Variants in SLC24A2 observed in about 807,000 individuals in gnomAD.
SLC24A2 encodes the protein solute carrier family 24 member 2, also known as sodium/potassium/calcium exchanger 2.
SLC24A2 carries 36 observed loss-of-function variants against 62.0 expected under a neutral mutation model. That is an observed-to-expected ratio of 0.58 (90% confidence interval 0.44 to 0.77). The LOEUF is 0.77. Among genes scored for constraint, SLC24A2 ranks in the 30% least tolerant of loss-of-function variants. The pLI is 0.00. For missense variants in SLC24A2, 846 were observed against 817.9 expected, an observed-to-expected ratio of 1.03 and a Z score of -0.42; for synonymous variants, 358 against 294.0, an observed-to-expected ratio of 1.22 and a Z score of -2.23.
At chr9:19,662,905 T>G (rs767258647) in intron 2 of SLC24A2, among the ~76,000 whole-genome samples, 2 of 152,214 alleles carry the variant, frequency 1.3e-5, no homozygotes, top group African/African-American at 2.4e-5. Context: ...ATGTGTATAT[T>G]CCATGTCTAA....
the SLC24A2 span, among the ~76,000 whole-genome samples, chr9:20,195,175 T>A: frequency 2.0e-5 from 3 of 152,216 alleles, no homozygotes; most frequent in Non-Finnish European, 4.4e-5. Context: ...TCTATTTTAC[T>A]GTTGATGGCT....
intron 2 of SLC24A2, among the ~76,000 whole-genome samples, chr9:19,736,452 T>C (rs934988547): frequency 1.4e-4 from 21 of 152,296 alleles, no homozygotes; most frequent in Non-Finnish European, 2.9e-4. Flanking sequence ...GTTGCAAGGA[T>C]AGAAAATTCT....
chr9:20,012,010 C>T, the SLC24A2 span, among the ~76,000 whole-genome samples: 22 of 152,094 alleles, frequency 1.4e-4, no homozygotes, highest in Admixed American at 1.4e-3. Context: ...AAACTTTTAA[C>T]AGATTAGGTA....
chr9:19,595,626 C>T (rs890999160), intron 5 of SLC24A2, among the ~76,000 whole-genome samples: 6 of 152,076 alleles, frequency 3.9e-5, no homozygotes, highest in Non-Finnish European at 5.9e-5. Context: ...TTTGCATCTT[C>T]GTCTTATCTT....
intron 2 of SLC24A2, among the ~76,000 whole-genome samples, chr9:19,709,201 T>C (rs1364858504): frequency 2.0e-5 from 3 of 151,654 alleles, no homozygotes; most frequent in East Asian, 3.9e-4. Flanking sequence ...AAAACCACAA[T>C]GAGATACCAT....
At chr9:20,025,243 T>G in the SLC24A2 span, among the ~76,000 whole-genome samples, 42 of 152,290 alleles carry the variant, frequency 2.8e-4, no homozygotes, top group African/African-American at 9.6e-4. Flanking sequence ...TACGCTAGAA[T>G]GTATTAACCT....
chr9:19,828,913 TG>T, the SLC24A2 span, among the ~76,000 whole-genome samples: 1 of 152,158 alleles, frequency 6.6e-6, no homozygotes, highest in African/African-American at 2.4e-5. Context: ...GCAATCTAGG[TG>T]GGGCTATTTT....
chr9:19,540,371 T>C (rs1477849963), intron 8 of SLC24A2, among the ~76,000 whole-genome samples: 1 of 146,262 alleles, frequency 6.8e-6, no homozygotes, highest in Non-Finnish European at 1.5e-5. Flanking sequence ...GTTTAGTGCT[T>C]CCTTCAGGAG....
the SLC24A2 span, among the ~76,000 whole-genome samples, chr9:20,089,259 A>C: frequency 6.6e-6 from 1 of 152,154 alleles, no homozygotes; most frequent in African/African-American, 2.4e-5. Flanking sequence ...ATTGTTCTCC[A>C]TACAGGTCCC....
intron 2 of SLC24A2, among the ~76,000 whole-genome samples, chr9:19,743,833 G>T (rs1371178022): frequency 1.3e-5 from 2 of 152,112 alleles, no homozygotes; most frequent in Non-Finnish European, 2.9e-5. Context: ...CAGAAGGATG[G>T]ATCAACAGTA....
the SLC24A2 span, among the ~76,000 whole-genome samples, chr9:19,922,989 AATATTAT>A: frequency 6.7e-6 from 1 of 149,392 alleles, no homozygotes; most frequent in Non-Finnish European, 1.5e-5. Flanking sequence ...TTATATATTA[AATATTAT>A]ATATTTATAT....
the SLC24A2 span, among the ~76,000 whole-genome samples, chr9:20,285,238 CTTATATTAG>C: frequency 6.6e-6 from 1 of 152,090 alleles, no homozygotes; most frequent in Non-Finnish European, 1.5e-5. Context: ...GAAATAGGGC[CTTATATTAG>C]TCTGAGTGCT....
the SLC24A2 span, among the ~76,000 whole-genome samples, chr9:20,105,936 T>C: frequency 6.6e-6 from 1 of 151,852 alleles, no homozygotes; most frequent in Non-Finnish European, 1.5e-5. Flanking sequence ...ATCAACAAAA[T>C]TGATAAACCG....
chr9:19,773,597 A>C (rs1405600447), intron 2 of SLC24A2, among the ~76,000 whole-genome samples: 1 of 152,310 alleles, frequency 6.6e-6, no homozygotes, highest in East Asian at 1.9e-4. Context: ...ATGAACACTC[A>C]TCATCACCAC....
At chr9:19,834,994 G>T in the SLC24A2 span, among the ~76,000 whole-genome samples, 1 of 152,092 alleles carries the variant, frequency 6.6e-6, no homozygotes, top group African/African-American at 2.4e-5. Context: ...AAGTGAAGGA[G>T]AAATAAAATA....
chr9:19,886,871 C>T, the SLC24A2 span, among the ~76,000 whole-genome samples: 60,993 of 151,864 alleles, frequency 0.4, 12,825 homozygotes, highest in East Asian at 0.84. Flanking sequence ...ACTATGCAGC[C>T]ATAAAAAGGA....
At chr9:20,171,167 C>T in the SLC24A2 span, among the ~76,000 whole-genome samples, 1 of 151,886 alleles carries the variant, frequency 6.6e-6, no homozygotes, top group South Asian at 2.1e-4. Flanking sequence ...CAAACAAATG[C>T]TGAGAGAATT....
At chr9:19,538,668 T>C (rs1399959800) in intron 8 of SLC24A2, among the ~76,000 whole-genome samples, 1 of 129,138 alleles carries the variant, frequency 7.7e-6, no homozygotes. Flanking sequence ...AAATTCTCTT[T>C]TTTGGTTGTG....
chr9:20,021,642 T>C, the SLC24A2 span, among the ~76,000 whole-genome samples: 2 of 152,116 alleles, frequency 1.3e-5, no homozygotes, highest in East Asian at 3.9e-4. Context: ...TAATCTCCTC[T>C]ATGGACAATT....
Sources: gnomAD v4.1 joint callset for allele counts (sites outside exome capture counted in the v4.1 genomes callset) on GRCh38, gnomAD v4.1.1 for gene constraint, MANE v1.5 for transcripts, NCBI Gene and HGNC (gene_info 2026-07-23, HGNC 2026-07-21) for gene names.